Variants in FANCA observed in about 807,000 individuals in gnomAD.
FANCA encodes Fanconi anemia group A protein.
In FANCA, 236 loss-of-function variants were observed where a neutral mutation model predicts 194.3. The ratio of observed to expected loss-of-function variants is 1.21; its 90% CI spans 1.09 to 1.35. FANCA has a LOEUF of 1.35. Ranked by LOEUF, FANCA falls within the 40% of genes most tolerant of loss-of-function variation. The pLI is 0.00. For missense variants in FANCA, 2,628 were observed against 1,813.9 expected (o/e 1.45, Z -8.15); for synonymous variants, 1,014 against 715.8 (o/e 1.42, Z -6.65).
chr16:89,801,808 A>T (rs2040463493), intron 8 of FANCA, among the ~76,000 whole-genome samples: 1 of 151,964 alleles, frequency 6.6e-6, no homozygotes, highest in African/African-American at 2.4e-5. Flanking sequence ...GAATCGGTTG[A>T]ACCTGGGAGG....
In FANCA at chr16:89,776,600, G is replaced by C. The variant is rs1023046918; in HGVS notation, c.1827-785C>G. Among the ~76,000 whole-genome samples, 6 of 152,054 alleles carry C rather than the reference G, an allele frequency of 3.9e-5. 1 individual carries two copies. The highest frequency in any genetic ancestry group is 7.4e-5 in the Non-Finnish European group (5 of 67,992). On this transcript the variant is annotated intron_variant, in intron 20 of 42. Coordinates refer to ENST00000389301, the MANE Select transcript of FANCA (RefSeq NM_000135.4). ...CCCAGCACTTTGGGAGGCCGAGGCA[G>C]GCAGATCAGGAGGTCAGGAGATTGA...
At chr16:89,790,970 C>T (rs533356011) in intron 14 of FANCA, 7 of 246,952 alleles carry the variant, frequency 2.8e-5, no homozygotes, top group African/African-American at 1.4e-4. Flanking sequence ...ACGAGGACTA[C>T]AGGTGTCTGC....
intron 14 of FANCA, among the ~76,000 whole-genome samples, chr16:89,789,777 G>T (rs1369894802): frequency 6.6e-6 from 1 of 151,606 alleles, no homozygotes; most frequent in Admixed American, 6.6e-5. Context: ...TCTTCAAATG[G>T]AAACTTTACT....
rs1567591930 is a variant in FANCA, at chr16:89,738,897, G to C, written c.4245C>G (p.Phe1415Leu). The C allele has an allele frequency of 4.3e-6, 7 of 1,614,262 alleles. No homozygotes were observed. The African/African-American group carries it at 5.3e-5, about 12-fold the overall frequency. The change falls in exon 42 of 43, where the codon TTC (phenylalanine) becomes TTG (leucine). Residue 1415 changes from phenylalanine to leucine, a missense_variant. Transcript: ENST00000389301. The stretch of plus-strand genomic sequence containing the variant: ...TTGACGTTACCTCTGCCACGTGTGA[G>C]AAGCTCTTTTTCGGGCACCGAGGTA... ...QLIPRCPKKS[F>L]SHVAELLADR...
At chr16:89,759,939 G>T in intron 29 of FANCA, among the ~76,000 whole-genome samples, 1 of 151,926 alleles carries the variant, frequency 6.6e-6, no homozygotes, top group African/African-American at 2.4e-5. Flanking sequence ...CGGGACCTGG[G>T]TGCTCCACCC....
In FANCA at chr16:89,738,441, G is replaced by T; in HGVS notation, c.*160C>A. 7.2e-7 allele frequency: 1 copy of T among 1,388,464 alleles called. No individual in the cohort carries two copies. The highest frequency in any genetic ancestry group is 9.8e-7 in the Non-Finnish European group (1 of 1,015,580). 86.0% of individuals were successfully genotyped at this position (1,388,464 alleles called of 1,614,324 possible). On this transcript the variant is annotated 3_prime_UTR_variant, in exon 43 of 43. Transcript: ENST00000389301. ...TGGTTTATTTTCCCGCAAACGCTGA[G>T]TGACTCGGGGCCGGACAGTTCATAA...
intron 18 of FANCA, 94 bp from the exon 19 acceptor site, chr16:89,779,097 G>C: frequency 8.4e-7 from 1 of 1,192,922 alleles, no homozygotes; most frequent in Non-Finnish European, 1.2e-6. Context: ...TGGACTGCGA[G>C]GGCTCACTCC....
chr16:89,779,764 G>T, intron 18 of FANCA, 105 bp downstream of exon 18: 1 of 962,936 alleles, frequency 1.0e-6, no homozygotes, highest in Non-Finnish European at 1.7e-6. Flanking sequence ...AGCGGAGTCT[G>T]CACACCCTGC....
intron 21 of FANCA, among the ~76,000 whole-genome samples, 193 bp downstream of exon 21, chr16:89,775,549 C>A (rs1433936654): frequency 6.6e-6 from 1 of 152,198 alleles, no homozygotes; most frequent in Non-Finnish European, 1.5e-5. Context: ...TTCTTCAGGA[C>A]CCCCAGGTAA....
At chr16:89,783,506 G>A (rs12928256) in intron 15 of FANCA, among the ~76,000 whole-genome samples, 71,893 of 149,900 alleles carry the variant, frequency 0.48, 18,559 homozygotes, top group East Asian at 0.98. Flanking sequence ...AGCCGAGATC[G>A]CGCCACTGCA....
rs576711161 is a variant in FANCA at position 89,763,375 on chromosome 16, A to C, written c.2779-1353T>G. Among the ~76,000 whole-genome samples, 9 of 152,210 alleles carry C rather than the reference A, an allele frequency of 5.9e-5. No individual in the cohort carries two copies. The East Asian group carries it at 1.7e-3, about 29-fold the overall frequency. ...AGGATCACTTTTTCCTATTTTTAGTAGAGATGGGGCTTCATCGTGTTACCC... is the reference window on the plus strand; with the variant it reads ...AGGATCACTTTTTCCTATTTTTAGTCGAGATGGGGCTTCATCGTGTTACCC... On this transcript the variant is annotated intron_variant, in intron 28 of 42. Coordinates refer to ENST00000389301, the MANE Select transcript of FANCA (RefSeq NM_000135.4).
At chr16:89,803,373 G>C in intron 7 of FANCA, 32 bp from the exon 8 acceptor site, 2 of 1,585,852 alleles carry the variant, frequency 1.3e-6, no homozygotes, top group African/African-American at 1.3e-5. Context: ...GTTATTTATG[G>C]ACATCATGGT....
At chr16:89,809,119 G>T (rs1234591118) in intron 5 of FANCA, among the ~76,000 whole-genome samples, 1 of 151,830 alleles carries the variant, frequency 6.6e-6, no homozygotes, top group South Asian at 2.1e-4. Flanking sequence ...TGTTAGCCAG[G>T]ATGGGCTCGA....
chr16:89,752,145 C>G lies in FANCA; in HGVS notation c.3059G>C (p.Arg1020Thr), dbSNP rs777061373. The G allele has an allele frequency of 6.2e-7, 1 of 1,614,124 alleles. No individual in the cohort carries two copies. The highest frequency in any genetic ancestry group is 1.7e-5 in the Admixed American group (1 of 60,026). ...TGGCACCCTCAAACTCACCTGCAAT[C>G]TGGAAATAATATCCTCATTTCCTGT... ...GRTGNEDIIS[R>T]LQEMVADLEL... The change falls in exon 31 of 43, where the codon AGA becomes ACA. Residue 1020 changes from arginine to threonine, a missense_variant. Coordinates refer to ENST00000389301, the MANE Select transcript of FANCA (RefSeq NM_000135.4).
chr16:89,778,767 A>C (rs2039602221), intron 20 of FANCA, 34 bp downstream of exon 20: 1 of 1,590,080 alleles, frequency 6.3e-7, no homozygotes, highest in Admixed American at 1.7e-5. Flanking sequence ...AGAAACCTGG[A>C]AGTAGTCATC....
intron 14 of FANCA, chr16:89,791,140 A>T (rs8045232): frequency 1.9e-6 from 1 of 533,730 alleles, no homozygotes; most frequent in Non-Finnish European, 3.4e-6. Context: ...TAAGTGAGAC[A>T]GAAACCAGGG....
rs769824282 is a variant in FANCA, at chr16:89,811,012, C to T, written c.343G>A (p.Gly115Arg). ...LGVPVGILSA[G>R]MVASSVGQIC... is the part of the protein sequence containing the mutation. ...TGTCCCACGCTAGAGGCAACCATCC[C>T]GGCTGAGAGAATACCCACGGGAACC... The change falls in exon 4 of 43, where the codon GGG (glycine) becomes AGG (arginine). Residue 115 changes from glycine to arginine, a missense_variant. Physicochemically the swap from Gly to Arg is moderately radical, Grantham distance 125. Coordinates refer to ENST00000389301, the MANE Select transcript of FANCA (RefSeq NM_000135.4). 24 of 1,613,920 alleles carry T rather than the reference C, an allele frequency of 1.5e-5. No homozygotes were observed. Among genetic ancestry groups the T allele is most frequent in the South Asian group, 3.3e-5 (3 of 91,084 alleles).
In FANCA at chr16:89,803,156, G is replaced by C. The variant is rs35506335; in HGVS notation, c.792+103C>G. On this transcript the variant is annotated intron_variant, in intron 8 of 42. Transcript: ENST00000389301. ...AGTATCACATGTACCCCGTAAATAG[G>C]TACAAACAGCACGTTTCAATAGAGA... 2.3e-5 allele frequency: 26 copies of C among 1,125,612 alleles called. 1 individual carries two copies. The South Asian group carries it at 3.2e-4, about 14-fold the overall frequency. 69.7% of individuals were successfully genotyped at this position (1,125,612 alleles called of 1,614,324 possible). A position where few individuals can be genotyped will look rare whatever the true frequency, so the allele number is the denominator to read the frequency against.
rs1226177820 is a variant in FANCA at position 89,770,175 on chromosome 16, G to A, written c.2307C>T (p.Leu769=). The A allele has an allele frequency of 1.3e-6, 2 of 1,590,646 alleles. No individual in the cohort carries two copies. The highest frequency in any genetic ancestry group is 2.3e-5 in the South Asian group (2 of 87,476). ...PAVLTRLCQL[L]RHQGPSLSAP... Reference sequence around the variant, plus strand: ...TGAAGGAGAGCCTCACCTGGTGACGGAGCAGCTGGCAGAGCCGGGTGAGCA... The same window carrying A: ...TGAAGGAGAGCCTCACCTGGTGACGAAGCAGCTGGCAGAGCCGGGTGAGCA... The change falls in exon 25 of 43, where the codon CTC becomes CTT. Residue 769 remains leucine, a synonymous_variant. Transcript: ENST00000389301.
Sources: allele counts gnomAD v4.1 joint callset (sites outside exome capture counted in the v4.1 genomes callset), GRCh38; gene constraint gnomAD v4.1.1; transcripts MANE v1.5; gene names NCBI Gene and HGNC (gene_info 2026-07-23, HGNC 2026-07-21).